ARHGEF18: variants seen among roughly 807,000 people sequenced by gnomAD.
ARHGEF18 encodes the protein rho guanine nucleotide exchange factor 18.
A neutral mutation model predicts 155.7 loss-of-function variants in ARHGEF18; 93 were observed. That is an observed-to-expected ratio of 0.60 (90% CI 0.50 to 0.71). The LOEUF (loss-of-function observed/expected upper bound fraction) is 0.71, where lower values mean the gene tolerates loss of function less well. Ranked by LOEUF, ARHGEF18 falls within the 30% of genes least tolerant of loss-of-function variation. ARHGEF18 has a pLI of 0.00. For synonymous variants in ARHGEF18, 742 were observed against 753.1 expected (o/e 0.99, Z 0.24); for missense variants, 1,593 against 1,816.1 (o/e 0.88, Z 2.23).
At chr19:7,423,318 T>C (rs1200255228) in intron 10 of ARHGEF18, among the ~76,000 whole-genome samples, 1 of 152,154 alleles carries the variant, frequency 6.6e-6, no homozygotes, top group African/African-American at 2.4e-5. Flanking sequence ...TGAGGTTTAT[T>C]TCCCCCTTGA....
chr19:7,469,850 G>T, intron 27 of ARHGEF18, 54 bp from the exon 28 acceptor site: 1 of 1,590,942 alleles, frequency 6.3e-7, no homozygotes, highest in Non-Finnish European at 8.5e-7. Flanking sequence ...CTGCCCTGGC[G>T]GGTGGGGACA....
chr19:7,457,716 C>G (rs1975934700), intron 18 of ARHGEF18, among the ~76,000 whole-genome samples: 1 of 152,042 alleles, frequency 6.6e-6, no homozygotes, highest in Non-Finnish European at 1.5e-5. Flanking sequence ...TTCTGAGGTG[C>G]TAGGGCTCAG....
intron 10 of ARHGEF18, among the ~76,000 whole-genome samples, chr19:7,412,976 G>A (rs760052588): frequency 6.6e-6 from 1 of 152,058 alleles, no homozygotes; most frequent in Non-Finnish European, 1.5e-5. Flanking sequence ...AGTTGCATCT[G>A]ACACTATAGG....
At position 7,453,489 on chromosome 19, in the gene ARHGEF18, C is replaced by T. The variant is rs190558437; in HGVS notation, c.1878C>T (p.Asp626=). 2 of 1,610,466 alleles carry T rather than the reference C, an allele frequency of 1.2e-6. No homozygotes were observed. Among genetic ancestry groups the T allele is most frequent in the South Asian group, 2.2e-5 (2 of 90,810 alleles). Residue 626 remains aspartate (D), a synonymous_variant, in exon 17 of 29, where the codon GAC becomes GAT. Transcript: ENST00000668164. Reference sequence around the variant, plus strand: ...CAGCTGGCACTGAGGACTATGAAGACCTGACCCAGGCCTTGAACCTCATCA... The same window carrying T: ...CAGCTGGCACTGAGGACTATGAAGATCTGACCCAGGCCTTGAACCTCATCA... ...NTEAGTEDYE[D]LTQALNLIKD...
intron 18 of ARHGEF18, 107 bp from the exon 19 acceptor site, chr19:7,458,405 G>T: frequency 2.0e-6 from 2 of 984,212 alleles, no homozygotes; most frequent in South Asian, 4.8e-5. Context: ...AAAGAAATGA[G>T]GAGCGTGACC....
At chr19:7,368,123 C>T (rs1970026871) in intron 2 of ARHGEF18, among the ~76,000 whole-genome samples, 2 of 151,596 alleles carry the variant, frequency 1.3e-5, no homozygotes, top group African/African-American at 4.8e-5. Flanking sequence ...AAAATGGGAC[C>T]AGGGACACAT....
At chr19:7,449,059 C>G (rs1376036548) in intron 15 of ARHGEF18, among the ~76,000 whole-genome samples, 2 of 152,038 alleles carry the variant, frequency 1.3e-5, no homozygotes. Context: ...GTTTTGGAGC[C>G]GCAGTTCCTC....
rs759944824 is a variant in ARHGEF18 at position 7,464,695 on chromosome 19, G to A, written c.2904+5G>A. On this transcript the variant is annotated splice_donor_5th_base_variant and intron_variant, in intron 23 of 28. Coordinates refer to ENST00000668164, the MANE Select transcript of ARHGEF18 (RefSeq NM_001367823.1). ...TCTGAGGAATCGCCGCAGGTGGTACGTGGATATCCATTTGCTCGGTACAGT... is the reference window on the plus strand; with the variant it reads ...TCTGAGGAATCGCCGCAGGTGGTACATGGATATCCATTTGCTCGGTACAGT... 99 of 1,613,806 alleles carry A rather than the reference G, an allele frequency of 6.1e-5. No individual in the cohort carries two copies. Among genetic ancestry groups the A allele is most frequent in the East Asian group, 4.5e-5 (2 of 44,892 alleles).
At chr19:7,474,486 A>C (rs756880940), downstream of ARHGEF18, among the ~76,000 whole-genome samples, 23 of 152,130 alleles carry the variant, frequency 1.5e-4, no homozygotes, top group African/African-American at 4.8e-4. Context: ...TCAAGTAATT[A>C]TCCTGCCTCA....
chr19:7,457,712 G>A (rs1213944831), intron 18 of ARHGEF18, among the ~76,000 whole-genome samples: 18 of 152,022 alleles, frequency 1.2e-4, no homozygotes, highest in Admixed American at 1.2e-3. Context: ...CACATTCTGA[G>A]GTGCTAGGGC....
In ARHGEF18 at chr19:7,403,572, C is replaced by T. The variant is rs1373215278; in HGVS notation, c.967+20369C>T. On this transcript the variant is annotated intron_variant, in intron 10 of 28. Coordinates refer to ENST00000668164, the MANE Select transcript of ARHGEF18 (RefSeq NM_001367823.1). The stretch of plus-strand genomic sequence containing the variant: ...TTCTTTCTTTTTTTTTTTTTTGAGA[C>T]GGTCTTGCTCTGTTGCCCAGGATAG... Among the ~76,000 whole-genome samples the T allele has an allele frequency of 5.1e-5, 7 of 137,698 alleles. No homozygotes were observed. In the East Asian group the frequency reaches 6.6e-4, roughly 13 times the overall value. The allele number at this position is 137,698 out of a possible 152,430, so 90.3% of individuals were successfully genotyped here.
At chr19:7,412,323 G>GC (rs35946061) in intron 10 of ARHGEF18, among the ~76,000 whole-genome samples, 80,667 of 151,512 alleles carry the variant, frequency 0.53, 22,187 homozygotes, top group Middle Eastern at 0.73. Context: ...CCTATGCTAG[G>GC]GTTTTTAGGA....
rs1250391682 is a variant in ARHGEF18 at position 7,453,700 on chromosome 19, T to G, written c.2089T>G (p.Ser697Ala). The change falls in exon 17 of 29, where the codon TCA becomes GCA. Residue 697 changes from serine to alanine, a missense_variant. Coordinates refer to ENST00000668164, the MANE Select transcript of ARHGEF18 (RefSeq NM_001367823.1). Reference protein sequence around the residue: ...LEGMLCWKTTSGRLKDILAIL... With the variant: ...LEGMLCWKTTAGRLKDILAIL... ...GGGCATGCTATGCTGGAAGACCACA[T>G]CAGGGCGCTTGAAAGGTAAAGGCCT... The G allele has an allele frequency of 1.3e-6, 2 of 1,569,300 alleles. No individual in the cohort carries two copies. The highest frequency in any genetic ancestry group is 1.7e-6 in the Non-Finnish European group (2 of 1,155,404).
Position 7,437,650 on chromosome 19 carries a change from C to CT in ARHGEF18, c.968-2685dup, listed in dbSNP as rs908927460. Among the ~76,000 whole-genome samples the CT allele has an allele frequency of 4.4e-4, 62 of 140,654 alleles. 1 individual carries two copies. Among genetic ancestry groups the CT allele is most frequent in the Admixed American group, 2.1e-3 (29 of 14,062 alleles). 92.3% of individuals were successfully genotyped at this position (140,654 alleles called of 152,430 possible). A position where few individuals can be genotyped will look rare whatever the true frequency, so the allele number is the denominator to read the frequency against. On this transcript the variant is annotated intron_variant, in intron 10 of 28. Coordinates refer to ENST00000668164, the MANE Select transcript of ARHGEF18 (RefSeq NM_001367823.1). ...GACAGATCAGATTTCTTTTTTTTTT[C>CT]TTTTTTTTTGTGAGATGGAGTCTCA...
chr19:7,385,353 G>A (rs1011917961), intron 10 of ARHGEF18, among the ~76,000 whole-genome samples: 5 of 151,978 alleles, frequency 3.3e-5, no homozygotes, highest in African/African-American at 1.2e-4. Flanking sequence ...GAAAAATCCT[G>A]AGGTCTTTAA....
At position 7,409,752 on chromosome 19, in the gene ARHGEF18, TTTTC is replaced by T. The variant is rs1459213039; in HGVS notation, c.967+26565_967+26568del. On this transcript the variant is annotated intron_variant, in intron 10 of 28. Transcript: ENST00000668164. ...CCATCGCGCCTGGCCTGTGAGGGGT[TTTTC>T]TTTCTTTCTTTCTTTTTTTTTTTTT... Among the ~76,000 whole-genome samples the T allele has an allele frequency of 3.0e-3, 402 of 132,102 alleles. 20 individuals are homozygous for T. Among genetic ancestry groups the T allele is most frequent in the East Asian group, 0.021 (96 of 4,480 alleles). 86.7% of individuals were successfully genotyped at this position (132,102 alleles called of 152,430 possible).
chr19:7,414,367 T>A (rs1209409219), intron 10 of ARHGEF18, among the ~76,000 whole-genome samples: 5 of 152,102 alleles, frequency 3.3e-5, no homozygotes, highest in Non-Finnish European at 5.9e-5. Context: ...ATCGTTTTTT[T>A]AAAAAGTCAT....
At position 7,441,720 on chromosome 19, in the gene ARHGEF18, T is replaced by C; in HGVS notation, c.1174T>C (p.Ser392Pro). The change falls in exon 12 of 29, where the codon TCT (serine) becomes CCT (proline). Residue 392 changes from serine (S) to proline (P), a missense_variant. Physicochemically the swap from Ser to Pro is moderately conservative, Grantham distance 74. Transcript: ENST00000668164. ...FLKFKQTADD[S>P]LSLTSPNTES... Reference sequence around the variant, plus strand: ...AAAATTTAAGCAGACAGCTGATGACTCTCTGTCCCTTACATCTCCAAACAC... The same window carrying C: ...AAAATTTAAGCAGACAGCTGATGACCCTCTGTCCCTTACATCTCCAAACAC... 1 of 1,614,200 alleles carries C rather than the reference T, an allele frequency of 6.2e-7. No individual in the cohort carries two copies.
chr19:7,464,959 G>A (rs1213353479), intron 23 of ARHGEF18, among the ~76,000 whole-genome samples: 2 of 152,192 alleles, frequency 1.3e-5, no homozygotes, highest in Non-Finnish European at 2.9e-5. Flanking sequence ...ATCAACAGGC[G>A]AGGAACCCCC....
Sources: gnomAD v4.1 joint callset for allele counts (sites outside exome capture counted in the v4.1 genomes callset) on GRCh38, gnomAD v4.1.1 for gene constraint, MANE v1.5 for transcripts, NCBI Gene and HGNC (gene_info 2026-07-23, HGNC 2026-07-21) for gene names.